EEF1G: variants seen among roughly 807,000 people sequenced by gnomAD.
The protein encoded by EEF1G is elongation factor 1-gamma.
In EEF1G, 14 loss-of-function variants were observed where a neutral mutation model predicts 58.3. That is an observed-to-expected ratio of 0.24 (90% confidence interval 0.16 to 0.38). The LOEUF is 0.38. Among genes scored for constraint, EEF1G ranks in the 10% least tolerant of loss-of-function variants. The pLI, the probability that EEF1G is intolerant of heterozygous loss-of-function variation, is 1.00. For synonymous variants in EEF1G, 180 were observed against 206.8 expected (o/e 0.87, Z 1.11); for missense variants, 322 against 550.1 (o/e 0.59, Z 4.15).
At chr11:62,571,816 C>G (rs770030780) in intron 3 of EEF1G, 22 bp downstream of exon 3, 1 of 1,580,714 alleles carries the variant, frequency 6.3e-7, no homozygotes, top group Non-Finnish European at 8.6e-7. Context: ...TTCTCCCATT[C>G]CCATATACCC....
At chr11:62,564,254 G>C (rs1423175964) in intron 7 of EEF1G, among the ~76,000 whole-genome samples, 8 of 152,108 alleles carry the variant, frequency 5.3e-5, no homozygotes. Context: ...CCTGAGGTCA[G>C]GAGTTTGAGA....
intron 7 of EEF1G, among the ~76,000 whole-genome samples, chr11:62,562,988 T>A (rs1941515940): frequency 6.7e-6 from 1 of 150,318 alleles, no homozygotes; most frequent in Admixed American, 6.6e-5. Flanking sequence ...CTCACGCCTG[T>A]AATCCCAGCT....
chr11:62,566,692 T>C (rs1941559128), intron 7 of EEF1G, 114 bp downstream of exon 7: 1 of 1,010,626 alleles, frequency 9.9e-7, no homozygotes, highest in East Asian at 2.6e-5. Context: ...AATATACCTT[T>C]AACTTTATAT....
At chr11:62,572,510 C>A in intron 2 of EEF1G, 74 bp downstream of exon 2, 2 of 1,565,966 alleles carry the variant, frequency 1.3e-6, no homozygotes, top group Non-Finnish European at 1.7e-6. Flanking sequence ...GAGATGGGGG[C>A]CACCACCAGA....
rs1941666553 is a variant in EEF1G, at chr11:62,573,757, C to G, written c.12+74G>C. 3.7e-6 allele frequency: 6 copies of G among 1,600,960 alleles called. No homozygotes were observed. In the Admixed American group the frequency reaches 5.0e-5, roughly 13 times the overall value. The stretch of plus-strand genomic sequence containing the variant: ...CCACTCAACCTCAGAACTCCTCTGG[C>G]GCCGACTGGCCCCACTCGGGCAAAG... On this transcript the variant is annotated intron_variant, in intron 1 of 9. Coordinates refer to ENST00000329251, the MANE Select transcript of EEF1G (RefSeq NM_001404.5).
rs1263222493 is a variant in EEF1G, at chr11:62,559,919, T to C, written c.1156-82A>G. 7.5e-6 allele frequency: 12 copies of C among 1,609,562 alleles called. No homozygotes were observed. In the East Asian group the frequency reaches 8.9e-5, roughly 12 times the overall value. On this transcript the variant is annotated intron_variant, in intron 9 of 9. Coordinates refer to ENST00000329251, the MANE Select transcript of EEF1G (RefSeq NM_001404.5). Reference sequence around the variant, plus strand: ...TTACTTCCAGCTCAAACACATGTCATCAGACCCCAGGTCTCCTGTGAACAT... The same window carrying C: ...TTACTTCCAGCTCAAACACATGTCACCAGACCCCAGGTCTCCTGTGAACAT...
intron 7 of EEF1G, 149 bp downstream of exon 7, chr11:62,566,657 A>G (rs987760707): frequency 3.2e-5 from 25 of 773,804 alleles, no homozygotes; most frequent in African/African-American, 1.2e-4. Flanking sequence ...ATTATCAGCC[A>G]GAAAGCTGCT....
chr11:62,567,665 A>G (rs1941572785), intron 5 of EEF1G, 137 bp from the exon 6 acceptor site: 3 of 795,388 alleles, frequency 3.8e-6, no homozygotes, highest in Non-Finnish European at 5.4e-6. Context: ...TTCATACAAC[A>G]TCATCCTTCC....
intron 7 of EEF1G, among the ~76,000 whole-genome samples, chr11:62,561,715 A>G (rs1206875721): frequency 6.6e-6 from 1 of 151,084 alleles, no homozygotes; most frequent in Non-Finnish European, 1.5e-5. Context: ...AAACACATAT[A>G]TGTGTGTGTG....
At chr11:62,566,569 G>A (rs1020376870) in intron 7 of EEF1G, among the ~76,000 whole-genome samples, 14 of 152,320 alleles carry the variant, frequency 9.2e-5, no homozygotes, top group Middle Eastern at 3.4e-3. Flanking sequence ...TGTCTTTGTT[G>A]GAATAGGAGT....
At chr11:62,564,025 G>A (rs1474874953) in intron 7 of EEF1G, among the ~76,000 whole-genome samples, 3 of 152,002 alleles carry the variant, frequency 2.0e-5, no homozygotes, top group Non-Finnish European at 4.4e-5. Flanking sequence ...GCCTCAACCT[G>A]CTGGACTCAA....
intron 5 of EEF1G, among the ~76,000 whole-genome samples, 158 bp downstream of exon 5, chr11:62,570,807 C>T (rs953135515): frequency 6.6e-6 from 1 of 152,154 alleles, no homozygotes; most frequent in Non-Finnish European, 1.5e-5. Context: ...CTGCCTACCT[C>T]GGCCCCCCAG....
chr11:62,572,999 T>C (rs1941654753), intron 1 of EEF1G: 1 of 306,390 alleles, frequency 3.3e-6, no homozygotes. Context: ...GGAAGTATTC[T>C]CTTCCTCTCA....
In EEF1G at chr11:62,567,513, A is replaced by G. The variant is rs1345701548; in HGVS notation, c.538T>C (p.Phe180Leu). 1 of 1,608,416 alleles carries G rather than the reference A, an allele frequency of 6.2e-7. No individual in the cohort carries two copies. Among genetic ancestry groups the G allele is most frequent in the Non-Finnish European group, 8.5e-7 (1 of 1,177,156 alleles). ...WLYKQVLEPS[F>L]RQAFPNTNRW... ...TTGGTATTGGGAAAGGCCTGGCGGA[A>G]AGAAGGCTCTAGAACCTGCCAGGAC... The change falls in exon 6 of 10, where the codon TTC (phenylalanine) becomes CTC (leucine). Residue 180 changes from phenylalanine (F) to leucine (L), a missense_variant. Transcript: ENST00000329251.
In EEF1G at chr11:62,560,761, G is replaced by C. The variant is rs545018717; in HGVS notation, c.858-307C>G. On this transcript the variant is annotated intron_variant, in intron 7 of 9. Transcript: ENST00000329251. The stretch of plus-strand genomic sequence containing the variant: ...ACAGAGTGAGGACTTCTTTTTCCCT[G>C]TTCAGGCCCTCCCCAGGCTGTTTTC... Among the ~76,000 whole-genome samples, 11 of 152,198 alleles carry C rather than the reference G, an allele frequency of 7.2e-5. No individual in the cohort carries two copies. The East Asian group carries it at 1.2e-3, about 16-fold the overall frequency.
At position 62,571,700 on chromosome 11, in the gene EEF1G, G is replaced by A. The variant is rs747028950; in HGVS notation, c.236-18C>T. The A allele has an allele frequency of 1.3e-5, 20 of 1,581,770 alleles. No homozygotes were observed. The highest frequency in any genetic ancestry group is 1.7e-4 in the Middle Eastern group (1 of 6,030). ...ATTGCTCACTGCAGAGGCAGAACACGAAGGTCAGAACTCTGGGGGAATGCC... is the reference window on the plus strand; with the variant it reads ...ATTGCTCACTGCAGAGGCAGAACACAAAGGTCAGAACTCTGGGGGAATGCC... On this transcript the variant is annotated intron_variant, in intron 3 of 9. Coordinates refer to ENST00000329251, the MANE Select transcript of EEF1G (RefSeq NM_001404.5).
rs377391262 is a variant in EEF1G, at chr11:62,571,025, G to A, written c.462C>T (p.Gly154=). 3.8e-5 allele frequency: 61 copies of A among 1,613,708 alleles called. No homozygotes were observed. Among genetic ancestry groups the A allele is most frequent in the African/African-American group, 1.2e-4 (9 of 74,854 alleles). Residue 154 remains glycine (G), a synonymous_variant, in exon 5 of 10, where the codon GGC becomes GGT. Transcript: ENST00000329251. The part of the protein sequence containing the change: ...AYLKTRTFLV[G]ERVTLADITV... The stretch of plus-strand genomic sequence containing the variant: ...TGATGTCAGCCAATGTCACTCGTTC[G>A]CCCACCAGAAAAGTCCTCGTCTTCA...
At chr11:62,563,333 T>A (rs1941520653) in intron 7 of EEF1G, among the ~76,000 whole-genome samples, 1 of 151,994 alleles carries the variant, frequency 6.6e-6, no homozygotes, top group African/African-American at 2.4e-5. Context: ...GACGGTATTT[T>A]TACCGTGTTA....
At chr11:62,569,195 G>A (rs1941594790) in intron 5 of EEF1G, among the ~76,000 whole-genome samples, 1 of 151,956 alleles carries the variant, frequency 6.6e-6, no homozygotes. Context: ...AGTCCTGGCT[G>A]GGTGTGGTGG....
Sources: gnomAD v4.1 joint callset for allele counts (sites outside exome capture counted in the v4.1 genomes callset) on GRCh38, gnomAD v4.1.1 for gene constraint, MANE v1.5 for transcripts, NCBI Gene and HGNC (gene_info 2026-07-23, HGNC 2026-07-21) for gene names.